The following NRG1 variants were observed in gnomAD, a reference collection of about 807,000 sequenced individuals.
NRG1 encodes the protein neuregulin 1.
NRG1 carries 18 observed loss-of-function variants against 63.8 expected under a neutral mutation model. That is an observed-to-expected ratio of 0.28 (90% CI 0.19 to 0.42). The LOEUF (loss-of-function observed/expected upper bound fraction) is 0.42. NRG1 is among the 10% of genes least tolerant of loss of function. The pLI is 1.00. For synonymous variants in NRG1, 302 were observed against 301.3 expected, an observed-to-expected ratio of 1.00 and a Z score of -0.02; for missense variants, 762 against 814.7, an observed-to-expected ratio of 0.94 and a Z score of 0.79.
chr8:31,869,584 C>T (rs980313077), intron 1 of NRG1, among the ~76,000 whole-genome samples: 7 of 152,182 alleles, frequency 4.6e-5, no homozygotes, highest in African/African-American at 1.4e-4. Flanking sequence ...AGAAAAAAGG[C>T]CTGGTCCCAT....
At chr8:32,344,418 CATGTGT>C (rs1437745817) in intron 1 of NRG1, among the ~76,000 whole-genome samples, 6,452 of 92,432 alleles carry the variant, frequency 0.07, 385 homozygotes, top group Middle Eastern at 0.15. Flanking sequence ...TGCGTGCATG[CATGTGT>C]GTGTGTGTGT....
At chr8:32,033,024 T>C (rs1818498021) in intron 1 of NRG1, among the ~76,000 whole-genome samples, 1 of 152,054 alleles carries the variant, frequency 6.6e-6, no homozygotes, top group African/African-American at 2.4e-5. Flanking sequence ...TTAAGTAGGG[T>C]ATCCTTTCCC....
chr8:32,003,271 G>T (rs1298997344), intron 1 of NRG1, among the ~76,000 whole-genome samples: 1 of 152,058 alleles, frequency 6.6e-6, no homozygotes, highest in Non-Finnish European at 1.5e-5. Context: ...ATGCAGTGAT[G>T]CGGGAAATCA....
chr8:31,995,955 G>T (rs1236042286), intron 1 of NRG1, among the ~76,000 whole-genome samples: 1 of 151,374 alleles, frequency 6.6e-6, no homozygotes, highest in Non-Finnish European at 1.5e-5. Context: ...TTCTTTCAAA[G>T]CCCCTTTGAA....
chr8:32,758,427 A>G (rs560868850), intron 9 of NRG1, among the ~76,000 whole-genome samples: 1 of 152,086 alleles, frequency 6.6e-6, no homozygotes, highest in African/African-American at 2.4e-5. Flanking sequence ...AAATACAAAA[A>G]TTAGCTGGGC....
rs76691477 is a variant in NRG1 at position 31,692,978 on chromosome 8, A to G, written c.37+53547A>G. 4.3e-3 allele frequency among the ~76,000 whole-genome samples: 660 copies of G among 152,302 alleles called. 5 individuals carry two copies. The highest frequency in any genetic ancestry group is 0.015 in the African/African-American group (632 of 41,564). On this transcript the variant is annotated intron_variant, in intron 1 of 10. Coordinates refer to the NRG1 transcript ENST00000519301. ...TGGACGATTACCCAAGATCTGTTAC[A>G]TATTTAACATCAGGGAAGTTATGCA... is the stretch of plus-strand genomic sequence containing the variant.
chr8:32,771,011 G>A (rs1468456976), downstream of NRG1, among the ~76,000 whole-genome samples: 2 of 152,148 alleles, frequency 1.3e-5, no homozygotes, highest in Non-Finnish European at 2.9e-5. Flanking sequence ...CTCCAACATA[G>A]TGCCAGTAAG....
intron 5 of NRG1, among the ~76,000 whole-genome samples, chr8:32,702,590 G>A (rs1013364649): frequency 1.3e-5 from 2 of 152,168 alleles, no homozygotes. Context: ...GGGTTCAAGC[G>A]ATTCTCCTGC....
At chr8:32,184,615 GA>G (rs1292666579) in intron 1 of NRG1, among the ~76,000 whole-genome samples, 1 of 151,632 alleles carries the variant, frequency 6.6e-6, no homozygotes, top group Non-Finnish European at 1.5e-5. Flanking sequence ...AAAAAATAAG[GA>G]AAGCATCTGG....
At chr8:32,117,443 A>G (rs561941114) in intron 1 of NRG1, among the ~76,000 whole-genome samples, 1 of 152,180 alleles carries the variant, frequency 6.6e-6, no homozygotes, top group African/African-American at 2.4e-5. Flanking sequence ...AATGGTTTGG[A>G]TAGAAAAATA....
chr8:32,541,871 A>G (rs534485890), intron 1 of NRG1, among the ~76,000 whole-genome samples: 20 of 152,290 alleles, frequency 1.3e-4, no homozygotes, highest in African/African-American at 4.3e-4. Flanking sequence ...AAACTCAAAG[A>G]TAGTTCTAAG....
At chr8:31,826,913 G>A (rs1824624309) in intron 1 of NRG1, among the ~76,000 whole-genome samples, 1 of 152,124 alleles carries the variant, frequency 6.6e-6, no homozygotes, top group Admixed American at 6.5e-5. Flanking sequence ...GTTGTATGAT[G>A]CTAAATCCAA....
chr8:32,099,116 C>T (rs925587770), intron 1 of NRG1, among the ~76,000 whole-genome samples: 1 of 152,154 alleles, frequency 6.6e-6, no homozygotes, highest in Non-Finnish European at 1.5e-5. Context: ...AAGATAGGAG[C>T]TGACTGCAAG....
intron 1 of NRG1, among the ~76,000 whole-genome samples, chr8:32,488,173 C>T (rs774460484): frequency 3.3e-5 from 5 of 152,126 alleles, no homozygotes; most frequent in East Asian, 1.9e-4. Flanking sequence ...TCCATTATTT[C>T]GCCTAAATAT....
chr8:32,197,368 C>T (rs1843064840), intron 1 of NRG1, among the ~76,000 whole-genome samples: 2 of 152,126 alleles, frequency 1.3e-5, no homozygotes, highest in Middle Eastern at 3.2e-3. Context: ...TTACCCTCAC[C>T]TCTGGGAGGT....
intron 1 of NRG1, among the ~76,000 whole-genome samples, chr8:32,177,340 A>AT (rs1840894656): frequency 9.2e-6 from 1 of 108,808 alleles, no homozygotes; most frequent in East Asian, 3.0e-4. Context: ...GGGTGGTGGG[A>AT]GGGGGGAGGG....
chr8:32,538,458 T>C (rs1003662515), intron 1 of NRG1, among the ~76,000 whole-genome samples: 3 of 152,176 alleles, frequency 2.0e-5, no homozygotes, highest in Non-Finnish European at 1.5e-5. Flanking sequence ...TACCATGTTT[T>C]TAAATATGGG....
chr8:32,635,596 C>G (rs1269463091), intron 5 of NRG1, among the ~76,000 whole-genome samples: 3 of 152,096 alleles, frequency 2.0e-5, no homozygotes, highest in Admixed American at 1.3e-4. Flanking sequence ...ACATTTTTCC[C>G]CCACCACAGG....
At chr8:31,781,872 G>A (rs1179971487) in intron 1 of NRG1, among the ~76,000 whole-genome samples, 1 of 151,992 alleles carries the variant, frequency 6.6e-6, no homozygotes, top group Admixed American at 6.6e-5. Flanking sequence ...ACTGCTTTCT[G>A]ATGGGAGTAA....
Sources: gnomAD v4.1 joint callset for allele counts (sites outside exome capture counted in the v4.1 genomes callset) on GRCh38, gnomAD v4.1.1 for gene constraint, MANE v1.5 for transcripts, NCBI Gene and HGNC (gene_info 2026-07-23, HGNC 2026-07-21) for gene names.